ADK: variants seen among roughly 807,000 people sequenced by gnomAD.
ADK encodes the protein adenosine kinase.
Under a neutral mutation model 44.7 loss-of-function variants are expected in ADK, and 24 were observed. The ratio of observed to expected loss-of-function variants is 0.54; its 90% CI spans 0.39 to 0.76. ADK has a LOEUF of 0.76. Among genes scored for constraint, ADK ranks in the 30% least tolerant of loss-of-function variants. ADK has a pLI of 0.00. For missense variants in ADK, 321 were observed against 425.1 expected (o/e 0.76, Z 2.15); for synonymous variants, 128 against 142.6 (o/e 0.90, Z 0.73).
intron 2 of ADK, among the ~76,000 whole-genome samples, chr10:74,208,173 G>A (rs1843673293): frequency 6.6e-6 from 1 of 152,246 alleles, no homozygotes. Flanking sequence ...GGGGAAAGGG[G>A]GACTTCCCGG....
At chr10:74,617,115 G>A (rs1852795174) in intron 9 of ADK, among the ~76,000 whole-genome samples, 1 of 152,012 alleles carries the variant, frequency 6.6e-6, no homozygotes, top group Non-Finnish European at 1.5e-5. Context: ...TACCATCTGT[G>A]AATAAAAATA....
At chr10:74,631,001 C>T (rs1034484302) in intron 9 of ADK, among the ~76,000 whole-genome samples, 3 of 151,706 alleles carry the variant, frequency 2.0e-5, no homozygotes, top group Admixed American at 6.6e-5. Flanking sequence ...CTCAAATTGT[C>T]GTAGATTTGA....
chr10:74,607,920 T>C (rs1428675626), intron 9 of ADK, among the ~76,000 whole-genome samples: 1 of 152,034 alleles, frequency 6.6e-6, no homozygotes, highest in Non-Finnish European at 1.5e-5. Flanking sequence ...CTTGGAGGTT[T>C]GTTAGTTCCT....
chr10:74,323,856 C>G (rs1192982371), intron 4 of ADK, among the ~76,000 whole-genome samples: 3 of 152,054 alleles, frequency 2.0e-5, no homozygotes, highest in Non-Finnish European at 4.4e-5. Context: ...AGGTGTGAGC[C>G]ACCGCTCCCG....
At chr10:74,272,421 G>A (rs529690575) in intron 3 of ADK, among the ~76,000 whole-genome samples, 58 of 151,928 alleles carry the variant, frequency 3.8e-4, no homozygotes, top group South Asian at 1.0e-3. Flanking sequence ...GACTACAGGC[G>A]CGCACTACCA....
At chr10:74,331,801 T>C (rs1351323740) in intron 4 of ADK, among the ~76,000 whole-genome samples, 1 of 152,070 alleles carries the variant, frequency 6.6e-6, no homozygotes, top group Admixed American at 6.6e-5. Flanking sequence ...TTATATTTCT[T>C]TAACTTCATA....
intron 6 of ADK, among the ~76,000 whole-genome samples, chr10:74,439,844 C>T (rs1461787455): frequency 6.6e-6 from 1 of 151,946 alleles, no homozygotes; most frequent in Non-Finnish European, 1.5e-5. Flanking sequence ...TATAAACCAA[C>T]TTGGTTTAAT....
chr10:74,262,803 T>C (rs912863082), intron 3 of ADK, among the ~76,000 whole-genome samples: 2 of 152,224 alleles, frequency 1.3e-5, no homozygotes, highest in Non-Finnish European at 2.9e-5. Context: ...AATAGTAATA[T>C]TGACTAACTC....
At chr10:74,164,575 T>G (rs1841986627) in intron 1 of ADK, among the ~76,000 whole-genome samples, 1 of 151,476 alleles carries the variant, frequency 6.6e-6, no homozygotes, top group Non-Finnish European at 1.5e-5. Flanking sequence ...GGGAGGGGAG[T>G]GTAGGTTCTT....
rs897100122 is a variant in ADK, at chr10:74,708,439, C to T, written c.1083C>T (p.Phe361=). 1 of 1,611,224 alleles carries T rather than the reference C, an allele frequency of 6.2e-7. No individual in the cohort carries two copies. Residue 361 remains phenylalanine (F), a synonymous_variant, in exon 11 of 11, where the codon TTC becomes TTT. Transcript: ENST00000539909. Reference sequence around the variant, plus strand: ...GCACCTTTCCTGAGAAGCCAGACTTCCACTGATGGAAGAGCTGAAAACACA... The same window carrying T: ...GCACCTTTCCTGAGAAGCCAGACTTTCACTGATGGAAGAGCTGAAAACACA... ...TGCTFPEKPD[F]H
rs554233834 is a variant in ADK, at chr10:74,255,569, A to G, written c.194+30978A>G. 2.0e-5 allele frequency among the ~76,000 whole-genome samples: 3 copies of G among 152,260 alleles called. No individual in the cohort carries two copies. The East Asian group carries it at 5.8e-4, about 29-fold the overall frequency. ...TAATGATGACAACAGCTCCACTAAC[A>G]TGAATGCCATTCTTAGAATTTCTCA... is the stretch of plus-strand genomic sequence containing the variant. On this transcript the variant is annotated intron_variant, in intron 3 of 10. Transcript: ENST00000539909.
intron 4 of ADK, among the ~76,000 whole-genome samples, chr10:74,315,519 G>C (rs544480320): frequency 3.3e-5 from 5 of 152,128 alleles, no homozygotes; most frequent in Non-Finnish European, 7.4e-5. Flanking sequence ...AGCTTTGAAA[G>C]ATATGAACAA....
chr10:74,395,146 T>G (rs999228607), intron 5 of ADK, among the ~76,000 whole-genome samples: 2 of 152,042 alleles, frequency 1.3e-5, no homozygotes, highest in Admixed American at 1.3e-4. Flanking sequence ...CTAGAAATTT[T>G]GCATTACTTA....
chr10:74,286,311 C>T (rs1253592541), intron 3 of ADK, among the ~76,000 whole-genome samples: 2 of 152,182 alleles, frequency 1.3e-5, no homozygotes, highest in Non-Finnish European at 2.9e-5. Context: ...CCCTGCCTCC[C>T]AAAGCAGTGG....
intron 3 of ADK, among the ~76,000 whole-genome samples, chr10:74,261,134 A>T (rs1846021694): frequency 6.6e-6 from 1 of 152,318 alleles, no homozygotes; most frequent in Non-Finnish European, 1.5e-5. Context: ...TATAGTGACT[A>T]TGTAAGTATT....
In ADK at chr10:74,173,101, C is replaced by CT. The variant is rs930110468; in HGVS notation, c.65+21767dup. On this transcript the variant is annotated intron_variant, in intron 1 of 10. Transcript: ENST00000539909. ...GTATCAAAATTAGTTTTTTTTTTTT[C>CT]TTTTTTTTTGAGATGGAGTCTTGCT... Among the ~76,000 whole-genome samples the CT allele has an allele frequency of 2.2e-3, 291 of 132,000 alleles. 3 individuals are homozygous for CT. The highest frequency in any genetic ancestry group is 6.7e-3 in the African/African-American group (240 of 35,576). The allele number at this position is 132,000 out of a possible 152,430, so 86.6% of individuals were successfully genotyped here.
At chr10:74,430,482 T>C (rs1258804891) in intron 6 of ADK, among the ~76,000 whole-genome samples, 1 of 152,108 alleles carries the variant, frequency 6.6e-6, no homozygotes, top group Non-Finnish European at 1.5e-5. Flanking sequence ...TGGCTGGGCG[T>C]AATGGCTCAC....
intron 3 of ADK, among the ~76,000 whole-genome samples, chr10:74,310,379 A>C (rs1205649017): frequency 6.6e-6 from 1 of 152,160 alleles, no homozygotes; most frequent in African/African-American, 2.4e-5. Context: ...TTAGTTGGCT[A>C]CTTAGGAGTT....
chr10:74,330,408 G>C (rs1841177922), intron 4 of ADK, among the ~76,000 whole-genome samples: 1 of 152,096 alleles, frequency 6.6e-6, no homozygotes, highest in South Asian at 2.1e-4. Context: ...GGGAAACACA[G>C]TGGCATCCTG....
Sources: allele counts gnomAD v4.1 joint callset (sites outside exome capture counted in the v4.1 genomes callset), GRCh38; gene constraint gnomAD v4.1.1; transcripts MANE v1.5; gene names NCBI Gene and HGNC (gene_info 2026-07-23, HGNC 2026-07-21).